The following MYO1C variants were observed in gnomAD, a reference collection of about 807,000 sequenced individuals.
The protein encoded by MYO1C is myosin IC.
A neutral mutation model predicts 150.8 loss-of-function variants in MYO1C; 104 were observed. That is an observed-to-expected ratio of 0.69 (90% CI 0.59 to 0.81). The LOEUF is 0.81. MYO1C is among the 30% of genes least tolerant of loss of function. The probability of loss-of-function intolerance (pLI) is 0.00; values close to 1 mark genes in which losing one functional copy is unlikely to be tolerated. For synonymous variants in MYO1C, 663 were observed against 579.9 expected, an observed-to-expected ratio of 1.14 and a Z score of -2.06; for missense variants, 1,504 against 1,435.0, an observed-to-expected ratio of 1.05 and a Z score of -0.78.
intron 17 of MYO1C, among the ~76,000 whole-genome samples, chr17:1,474,142 C>T (rs1223130599): frequency 1.3e-5 from 2 of 151,892 alleles, no homozygotes; most frequent in African/African-American, 4.8e-5. Flanking sequence ...AGTAGGCAAA[C>T]AGGGACAGGC....
intron 21 of MYO1C, 57 bp from the exon 22 acceptor site, chr17:1,470,746 G>A: frequency 2.0e-6 from 3 of 1,536,852 alleles, no homozygotes; most frequent in Non-Finnish European, 1.8e-6. Context: ...CTGGGAGCCT[G>A]GTGCCGTGTG....
In MYO1C at chr17:1,468,433, C is replaced by T. The variant is rs142277831; in HGVS notation, c.2674G>A (p.Val892Ile). The change falls in exon 26 of 32, where the codon GTA (valine) becomes ATA (isoleucine). Residue 892 changes from valine to isoleucine, a missense_variant. Coordinates refer to ENST00000648651, the MANE Select transcript of MYO1C (RefSeq NM_001080779.2). The stretch of plus-strand genomic sequence containing the variant: ...CGAGTGCTGATGAAGAGCCTGGGTA[C>T]ACTCTGAGGGTAATTATCCTTCTTG... ...KGKKDNYPQSVPRLFISTRLG... is the reference protein window; with the variant it reads ...KGKKDNYPQSIPRLFISTRLG... 360 of 1,613,952 alleles carry T rather than the reference C, an allele frequency of 2.2e-4. No individual in the cohort carries two copies. The highest frequency in any genetic ancestry group is 2.8e-4 in the Non-Finnish European group (336 of 1,179,984).
chr17:1,469,233 G>A (rs540989885), intron 25 of MYO1C: 2 of 442,740 alleles, frequency 4.5e-6, no homozygotes, highest in Admixed American at 3.4e-5. Flanking sequence ...GGTAGACCGG[G>A]GTCAATACTA....
chr17:1,485,702 G>A (rs1397258824), intron 1 of MYO1C: 6 of 1,198,044 alleles, frequency 5.0e-6, no homozygotes, highest in Non-Finnish European at 5.2e-6. Context: ...ACCGACGCCC[G>A]GTAGCGCATC....
At chr17:1,468,768 C>T (rs2074235453) in intron 25 of MYO1C, 3 of 537,212 alleles carry the variant, frequency 5.6e-6, no homozygotes, top group South Asian at 2.0e-5. Context: ...CCATCAGGCC[C>T]TGGTGGCCCT....
chr17:1,465,483 G>A lies in MYO1C; in HGVS notation c.*243C>T, dbSNP rs948141398. On this transcript the variant is annotated 3_prime_UTR_variant, in exon 32 of 32. Transcript: ENST00000648651. The stretch of plus-strand genomic sequence containing the variant: ...TCAAATATTTGGCATCGGCAGTAGG[G>A]CTGGCATGGCTCGCTCTGGCCCTGG... The A allele has an allele frequency of 2.5e-6, 1 of 396,518 alleles. No individual in the cohort carries two copies. The highest frequency in any genetic ancestry group is 4.5e-6 in the Non-Finnish European group (1 of 224,500). 24.6% of individuals were successfully genotyped at this position (396,518 alleles called of 1,614,324 possible).
chr17:1,482,805 C>T (rs1347965103), intron 4 of MYO1C, 56 bp downstream of exon 4: 1 of 1,512,474 alleles, frequency 6.6e-7, no homozygotes, highest in South Asian at 1.2e-5. Context: ...CACTGGGCTT[C>T]TCTCCCTGCC....
At chr17:1,473,044 A>T (rs2074336163) in intron 17 of MYO1C, among the ~76,000 whole-genome samples, 1 of 152,078 alleles carries the variant, frequency 6.6e-6, no homozygotes, top group Non-Finnish European at 1.5e-5. Flanking sequence ...CTACAAAAAT[A>T]AAAAAATTAG....
chr17:1,485,073 A>AC, intron 1 of MYO1C: 1 of 1,236,020 alleles, frequency 8.1e-7, no homozygotes, highest in East Asian at 5.6e-5. Context: ...CTCCCCAGGC[A>AC]CCTCCTCCAC....
Position 1,465,773 on chromosome 17 carries a change from G to A in MYO1C, c.3166-21C>T, listed in dbSNP as rs200388351. The A allele has an allele frequency of 8.0e-4, 1,050 of 1,318,160 alleles. 2 individuals carry two copies. Among genetic ancestry groups the A allele is most frequent in the South Asian group, 1.4e-3 (47 of 34,008 alleles). 81.7% of individuals were successfully genotyped at this position (1,318,160 alleles called of 1,614,324 possible). On this transcript the variant is annotated intron_variant, in intron 31 of 31. Transcript: ENST00000648651. ...GCGACCTGTGGGGGCGGAGAGAGAC[G>A]GCCAAGTGGTGAGGGGAGCAGACGG...
At chr17:1,475,627 G>C (rs1304156532) in intron 14 of MYO1C, among the ~76,000 whole-genome samples, 1 of 152,264 alleles carries the variant, frequency 6.6e-6, no homozygotes, top group South Asian at 2.1e-4. Context: ...GGTGAGCTGC[G>C]CACTACTTTT....
In MYO1C at chr17:1,472,123, C is replaced by G; in HGVS notation, c.1903G>C (p.Gly635Arg). The G allele has an allele frequency of 6.2e-7, 1 of 1,614,002 alleles. No homozygotes were observed. The highest frequency in any genetic ancestry group is 2.2e-5 in the East Asian group (1 of 44,878). The change falls in exon 18 of 32, where the codon GGC (glycine) becomes CGC (arginine). Residue 635 changes from glycine to arginine, a missense_variant and splice_region_variant. Physicochemically the swap from Gly to Arg is moderately radical, Grantham distance 125. Transcript: ENST00000648651. The stretch of plus-strand genomic sequence containing the variant: ...GAAGTCCCCCGTGGGAGGGGCCTAC[C>G]GGGCTGTTTGGCATCATTGGGTTTG... ...CIKPNDAKQP[G>R]RFDEVLIRHQ...
At chr17:1,484,952 G>A in intron 1 of MYO1C, 1 of 469,488 alleles carries the variant, frequency 2.1e-6, no homozygotes, top group South Asian at 1.5e-5. Flanking sequence ...ACACCAGAGG[G>A]GTTCCCCCAG....
intron 18 of MYO1C, 47 bp from the exon 19 acceptor site, chr17:1,472,071 T>G: frequency 6.2e-7 from 1 of 1,608,372 alleles, no homozygotes; most frequent in South Asian, 1.1e-5. Context: ...GCTGACGGCC[T>G]GTCTCCTGCA....
In MYO1C at chr17:1,474,427, CA is replaced by C. The variant is rs869242496; in HGVS notation, c.1797+182del. Among the ~76,000 whole-genome samples, 28,621 of 85,602 alleles carry C rather than the reference CA, an allele frequency of 0.33. 4,162 individuals are homozygous for C. Among genetic ancestry groups the C allele is most frequent in the African/African-American group, 0.54 (13,665 of 25,182 alleles). 56.2% of individuals were successfully genotyped at this position (85,602 alleles called of 152,430 possible). ...TGGGCAACAGAGCGAGACCCTGTCT[CA>C]AAAAAAAAAAAAAAAAAAAAAAGTA... On this transcript the variant is annotated intron_variant, in intron 17 of 31. Transcript: ENST00000648651.
chr17:1,484,900 CGG>C, intron 1 of MYO1C: 1 of 432,774 alleles, frequency 2.3e-6, no homozygotes, highest in South Asian at 1.6e-5. Flanking sequence ...CCACCTCCAC[CGG>C]TAGAGCGTCG....
At chr17:1,487,934 A>G (rs988902050) in intron 1 of MYO1C, among the ~76,000 whole-genome samples, 1 of 152,070 alleles carries the variant, frequency 6.6e-6, no homozygotes, top group Admixed American at 6.5e-5. Context: ...ACAAAACAGA[A>G]CAAGGAAAAT....
rs371942534 is a variant in MYO1C, at chr17:1,467,345, G to A, written c.3066-4C>T. ...GGGGCCCCCTGCAAACGTGATGCTG[G>A]GGGAACGGGGTGGGTGAGGGTTTTT... On this transcript the variant is annotated splice_region_variant and splice_polypyrimidine_tract_variant and intron_variant, in intron 30 of 31. Transcript: ENST00000648651. The A allele has an allele frequency of 1.1e-5, 18 of 1,611,408 alleles. No homozygotes were observed. Among genetic ancestry groups the A allele is most frequent in the Non-Finnish European group, 1.4e-5 (16 of 1,179,034 alleles).
intron 17 of MYO1C, 56 bp downstream of exon 17, chr17:1,474,554 C>T: frequency 1.3e-6 from 2 of 1,565,768 alleles, no homozygotes; most frequent in Admixed American, 1.7e-5. Context: ...CTCACACAGG[C>T]CCTCATGCAC....
Sources: gnomAD v4.1 joint callset for allele counts (sites outside exome capture counted in the v4.1 genomes callset) on GRCh38, gnomAD v4.1.1 for gene constraint, MANE v1.5 for transcripts, NCBI Gene and HGNC (gene_info 2026-07-23, HGNC 2026-07-21) for gene names.